Variants in MORF4L2 observed in about 807,000 individuals in gnomAD.
The protein encoded by MORF4L2 is mortality factor 4-like protein 2.
MORF4L2 carries 1 observed loss-of-function variant against 12.0 expected under a neutral mutation model. The observed-to-expected ratio is 0.08, with a 90% confidence interval of 0.03 to 0.40. The LOEUF (loss-of-function observed/expected upper bound fraction) is 0.40. Ranked by LOEUF, MORF4L2 falls within the 10% of genes least tolerant of loss-of-function variation. The pLI, the probability that MORF4L2 is intolerant of heterozygous loss-of-function variation, is 0.98. For synonymous variants in MORF4L2, 69 were observed against 81.6 expected, an observed-to-expected ratio of 0.85 and a Z score of 0.83; for missense variants, 123 against 214.0, an observed-to-expected ratio of 0.57 and a Z score of 2.65.
chrX:103,681,608 A>C (rs2147684307), intron 2 of MORF4L2, among the ~76,000 whole-genome samples: 1 of 111,895 alleles, frequency 8.9e-6, no homozygotes, highest in East Asian at 2.8e-4. Context: ...TAGTGAGTCA[A>C]GAGATAGAAC....
At chrX:103,677,948 T>C (rs752020115) in intron 3 of MORF4L2, among the ~76,000 whole-genome samples, 57 of 111,011 alleles carry the variant, frequency 5.1e-4, no homozygotes, top group African/African-American at 1.7e-3. Flanking sequence ...AGGTTATTAG[T>C]ATTATCACCA....
chrX:103,682,463 A>G (rs1263840093), intron 2 of MORF4L2, among the ~76,000 whole-genome samples: 3 of 111,817 alleles, frequency 2.7e-5, no homozygotes, highest in Non-Finnish European at 5.6e-5. Flanking sequence ...TGTACTCCTA[A>G]CAAAAATATA....
upstream of MORF4L2, chrX:103,687,843 C>T (rs568089277): frequency 7.2e-5 from 8 of 111,061 alleles, no homozygotes; most frequent in East Asian, 2.3e-3. Flanking sequence ...CGTCCTCCCT[C>T]CCCTCCTCCA....
chrX:103,687,047 G>C (rs1365550700), upstream of MORF4L2, among the ~76,000 whole-genome samples: 1 of 108,894 alleles, frequency 9.2e-6, no homozygotes, highest in African/African-American at 3.4e-5. Flanking sequence ...TGTTCACGTG[G>C]CCTATTTCAC....
Position 103,681,817 on chromosome X carries a change from A to C in MORF4L2, c.-177-3166T>G, listed in dbSNP as rs1406534139. Among the ~76,000 whole-genome samples, 36 of 111,554 alleles carry C rather than the reference A, an allele frequency of 3.2e-4. No homozygotes were observed. In the Admixed American group the frequency reaches 3.3e-3, roughly 10 times the overall value. On this transcript the variant is annotated intron_variant, in intron 2 of 3. Transcript: ENST00000441076. The stretch of plus-strand genomic sequence containing the variant: ...GATAGATTTCTTTTATAACTCCTTA[A>C]TCCATCTAGTAGTTTGCAAGTCATG...
At chrX:103,680,968 A>C (rs991268607) in intron 2 of MORF4L2, among the ~76,000 whole-genome samples, 8 of 112,113 alleles carry the variant, frequency 7.1e-5, no homozygotes, top group African/African-American at 2.6e-4. Context: ...ATGATAGTGA[A>C]AATACCACCT....
chrX:103,677,606 A>AATGAAAGC (rs1446598769), intron 3 of MORF4L2, among the ~76,000 whole-genome samples: 49 of 112,207 alleles, frequency 4.4e-4, no homozygotes, highest in Admixed American at 2.2e-3. Context: ...TAATGAACTT[A>AATGAAAGC]ATGAAAGCAC....
chrX:103,685,289 G>A (rs1483397275), intron 1 of MORF4L2, 29 bp from the exon 2 acceptor site: 1 of 110,655 alleles, frequency 9.0e-6, no homozygotes, highest in African/African-American at 3.4e-5. Context: ...GGACAAGAAA[G>A]AACATAAAAT....
intron 3 of MORF4L2, among the ~76,000 whole-genome samples, 159 bp from the exon 4 acceptor site, chrX:103,677,210 C>A (rs2073867276): frequency 9.1e-6 from 1 of 110,255 alleles, no homozygotes; most frequent in Non-Finnish European, 1.9e-5. Flanking sequence ...ATTTTTTTAC[C>A]TCCTTTCCCT....
chrX:103,679,061 T>G (rs1262245428), intron 2 of MORF4L2, among the ~76,000 whole-genome samples: 1 of 112,082 alleles, frequency 8.9e-6, no homozygotes, highest in Non-Finnish European at 1.9e-5. Flanking sequence ...AGGAAAATGA[T>G]AACATAAATT....
intron 2 of MORF4L2, among the ~76,000 whole-genome samples, chrX:103,679,859 G>GAAAAAAA (rs2073941191): frequency 2.6e-5 from 1 of 38,708 alleles, no homozygotes; most frequent in Non-Finnish European, 4.6e-5. Flanking sequence ...GCACCTGTGG[G>GAAAAAAA]CAAAAAAAAA....
rs185250104 is a variant in MORF4L2, at chrX:103,680,060, C to T, written c.-177-1409G>A. ...AATTAGCCAGGCTTAGTGGTGCACA[C>T]CTATAATCCCAGCTACTTGGGAGGC... On this transcript the variant is annotated intron_variant, in intron 2 of 3. Transcript: ENST00000441076. 9.0e-5 allele frequency among the ~76,000 whole-genome samples: 10 copies of T among 110,735 alleles called. No individual in the cohort carries two copies. In the Admixed American group the frequency reaches 9.6e-4, roughly 11 times the overall value.
In MORF4L2 at chrX:103,676,191, A is replaced by G; in HGVS notation, c.837T>C (p.Ala279=). 2 of 1,208,789 alleles carry G rather than the reference A, an allele frequency of 1.7e-6. No homozygotes were observed. The highest frequency in any genetic ancestry group is 2.2e-6 in the Non-Finnish European group (2 of 893,750). ...SLFTASDYKV[A]SAEYHRKAL ...GGGCTTTGCGGTGGTACTCAGCAGAAGCCACTTTGTAATCACTGGCAGTAA... is the reference window on the plus strand; with the variant it reads ...GGGCTTTGCGGTGGTACTCAGCAGAGGCCACTTTGTAATCACTGGCAGTAA... Residue 279 remains alanine (A), a synonymous_variant, in exon 4 of 4, where the codon GCT becomes GCC. Transcript: ENST00000441076.
At chrX:103,686,416 C>T (rs750063158) in intron 1 of MORF4L2, among the ~76,000 whole-genome samples, 1 of 111,410 alleles carries the variant, frequency 9.0e-6, no homozygotes, top group Non-Finnish European at 1.9e-5. Context: ...CACTATTATA[C>T]AGTACACGTC....
At chrX:103,683,259 A>G (rs2147692533) in intron 2 of MORF4L2, among the ~76,000 whole-genome samples, 1 of 110,513 alleles carries the variant, frequency 9.0e-6, no homozygotes, top group African/African-American at 3.3e-5. Context: ...GGGTTTCACC[A>G]TCTTGGCCAG....
At chrX:103,681,311 G>A (rs888965856) in intron 2 of MORF4L2, among the ~76,000 whole-genome samples, 1 of 111,487 alleles carries the variant, frequency 9.0e-6, no homozygotes, top group Non-Finnish European at 1.9e-5. Flanking sequence ...TTTAAACAGA[G>A]GTGAGCTCAT....
Position 103,676,072 on chromosome X carries a change from T to G in MORF4L2, c.*89A>C. Reference sequence around the variant, plus strand: ...ATAAGCCCTGTTATACATTAACGATTTTAAAGAACATCAATTTTACAAGAA... The same window carrying G: ...ATAAGCCCTGTTATACATTAACGATGTTAAAGAACATCAATTTTACAAGAA... On this transcript the variant is annotated 3_prime_UTR_variant, in exon 4 of 4. Transcript: ENST00000441076. The G allele has an allele frequency of 1.0e-6, 1 of 961,961 alleles. No individual in the cohort carries two copies. The allele number at this position is 961,961 out of a possible 1,213,427, so 79.3% of individuals were successfully genotyped here. A position where few individuals can be genotyped will look rare whatever the true frequency, so the allele number is the denominator to read the frequency against.
intron 2 of MORF4L2, among the ~76,000 whole-genome samples, chrX:103,680,182 TCAAA>T (rs1055570896): frequency 5.0e-4 from 56 of 111,620 alleles, no homozygotes; most frequent in East Asian, 8.4e-4. Flanking sequence ...TGAGACTCTG[TCAAA>T]CAAACAAACA....
chrX:103,676,159 G>A lies in MORF4L2; in HGVS notation c.*2C>T, dbSNP rs753403185. On this transcript the variant is annotated 3_prime_UTR_variant, in exon 4 of 4. Coordinates refer to ENST00000441076, the MANE Select transcript of MORF4L2 (RefSeq NM_012286.3). ...CAAAAATGGTGAGCTGTCTGTAGAC[G>A]CTCACAGGGCTTTGCGGTGGTACTC... The A allele has an allele frequency of 1.1e-4, 127 of 1,185,513 alleles. No homozygotes were observed. In the South Asian group the frequency reaches 1.6e-3, roughly 15 times the overall value.
Sources: gnomAD v4.1 joint callset for allele counts (sites outside exome capture counted in the v4.1 genomes callset) on GRCh38, gnomAD v4.1.1 for gene constraint, MANE v1.5 for transcripts, NCBI Gene and HGNC (gene_info 2026-07-23, HGNC 2026-07-21) for gene names.